The following SEMA3E variants were observed in gnomAD, a reference collection of about 807,000 sequenced individuals.
SEMA3E encodes semaphorin-3E.
A neutral mutation model predicts 93.6 loss-of-function variants in SEMA3E; 49 were observed. The ratio of observed to expected loss-of-function variants is 0.52; its 90% CI spans 0.42 to 0.66. SEMA3E has a LOEUF of 0.66. Ranked by LOEUF, SEMA3E falls within the 30% of genes least tolerant of loss-of-function variation. The pLI is 0.00. For synonymous variants in SEMA3E, 363 were observed against 330.7 expected (o/e 1.10, Z -1.06); for missense variants, 906 against 964.8 (o/e 0.94, Z 0.81).
intron 14 of SEMA3E, among the ~76,000 whole-genome samples, chr7:83,391,355 G>T (rs1418149641): frequency 1.3e-5 from 2 of 151,990 alleles, no homozygotes; most frequent in Non-Finnish European, 2.9e-5. Context: ...ATTTCCTTTA[G>T]ACAAGAGGTT....
At position 83,390,067 on chromosome 7, in the gene SEMA3E, ATGCG is replaced by A. The variant is rs1264736098; in HGVS notation, c.1667+2484_1667+2487del. 1.5e-3 allele frequency among the ~76,000 whole-genome samples: 201 copies of A among 137,324 alleles called. 2 individuals are homozygous for A. The highest frequency in any genetic ancestry group is 5.0e-3 in the African/African-American group (191 of 38,094). The allele number at this position is 137,324 out of a possible 152,430, so 90.1% of individuals were successfully genotyped here. On this transcript the variant is annotated intron_variant, in intron 14 of 16. Transcript: ENST00000643230. ...TATGCGCGTATACGTGTGCACATAT[ATGCG>A]CGTATACGTGTGCACATATATGCGC... is the stretch of plus-strand genomic sequence containing the variant.
At chr7:83,453,716 T>C (rs1331890492) in intron 4 of SEMA3E, among the ~76,000 whole-genome samples, 1 of 149,530 alleles carries the variant, frequency 6.7e-6, no homozygotes, top group Non-Finnish European at 1.5e-5. Context: ...GATCAAGAAA[T>C]TGCAGGCCAG....
At chr7:83,537,038 C>T (rs1431719925) in intron 1 of SEMA3E, among the ~76,000 whole-genome samples, 1 of 151,312 alleles carries the variant, frequency 6.6e-6, no homozygotes, top group Non-Finnish European at 1.5e-5. Flanking sequence ...TCTTCTCCCC[C>T]CTTCTCTCTC....
chr7:83,390,054 C>CACATATATACGTGTAT (rs1787977993), intron 14 of SEMA3E, among the ~76,000 whole-genome samples: 1 of 27,982 alleles, frequency 3.6e-5, no homozygotes, highest in Non-Finnish European at 9.7e-5. Context: ...TGCGCGTATA[C>CACATATATACGTGTAT]GTGTGCACAT....
intron 5 of SEMA3E, among the ~76,000 whole-genome samples, chr7:83,412,852 G>C (rs1266176211): frequency 6.6e-6 from 1 of 151,632 alleles, no homozygotes; most frequent in Non-Finnish European, 1.5e-5. Context: ...AGGCTATTGG[G>C]AATTTACGTG....
chr7:83,377,735 C>G (rs1341476062), intron 16 of SEMA3E, among the ~76,000 whole-genome samples: 2 of 152,100 alleles, frequency 1.3e-5, no homozygotes, highest in South Asian at 4.2e-4. Context: ...GTTTTCTTTA[C>G]TATAACTGAA....
intron 1 of SEMA3E, among the ~76,000 whole-genome samples, chr7:83,506,256 C>A (rs984880475): frequency 6.6e-6 from 1 of 151,630 alleles, no homozygotes; most frequent in South Asian, 2.1e-4. Flanking sequence ...AAACGTATAG[C>A]GCATATACAC....
chr7:83,602,556 C>T (rs1412766009), intron 1 of SEMA3E, among the ~76,000 whole-genome samples: 1 of 151,924 alleles, frequency 6.6e-6, no homozygotes, highest in Non-Finnish European at 1.5e-5. Flanking sequence ...CAGCTCACTG[C>T]AACCTCCGCC....
intron 1 of SEMA3E, chr7:83,641,451 T>C: frequency 1.1e-6 from 1 of 888,894 alleles, no homozygotes; most frequent in Non-Finnish European, 1.3e-6. Flanking sequence ...CAGTGTGGTC[T>C]GGCCTTAGTA....
chr7:83,647,458 A>G (rs901747495), intron 1 of SEMA3E, among the ~76,000 whole-genome samples: 1 of 152,176 alleles, frequency 6.6e-6, no homozygotes, highest in African/African-American at 2.4e-5. Flanking sequence ...TATCTGTCTC[A>G]ATGTGTCAAT....
At chr7:83,375,089 T>C (rs1444176896) in intron 16 of SEMA3E, among the ~76,000 whole-genome samples, 1 of 151,978 alleles carries the variant, frequency 6.6e-6, no homozygotes, top group Non-Finnish European at 1.5e-5. Flanking sequence ...TAGATAAGAA[T>C]CTCAGACTGA....
chr7:83,396,031 A>G (rs911081091), intron 12 of SEMA3E, among the ~76,000 whole-genome samples: 5 of 137,150 alleles, frequency 3.6e-5, no homozygotes, highest in Non-Finnish European at 6.2e-5. Context: ...GCTGCAAATG[A>G]TACGACTTGA....
chr7:83,495,983 C>G (rs1446242826), intron 1 of SEMA3E, among the ~76,000 whole-genome samples: 1 of 151,850 alleles, frequency 6.6e-6, no homozygotes, highest in East Asian at 1.9e-4. Context: ...CTGGTCCTCC[C>G]CACCCTAACT....
chr7:83,541,449 G>T (rs777930789), intron 1 of SEMA3E, among the ~76,000 whole-genome samples: 1 of 152,086 alleles, frequency 6.6e-6, no homozygotes, highest in Non-Finnish European at 1.5e-5. Flanking sequence ...GTTTCGCAGG[G>T]TGGATGCTGC....
At chr7:83,467,363 G>A (rs1315279559) in intron 3 of SEMA3E, among the ~76,000 whole-genome samples, 1 of 152,158 alleles carries the variant, frequency 6.6e-6, no homozygotes, top group African/African-American at 2.4e-5. Flanking sequence ...GAATTTTAAT[G>A]TTTTGGAAAG....
intron 16 of SEMA3E, among the ~76,000 whole-genome samples, chr7:83,373,430 T>G (rs2116899779): frequency 6.6e-6 from 1 of 152,224 alleles, no homozygotes; most frequent in African/African-American, 2.4e-5. Context: ...TTATTTATTT[T>G]ACTTACAGAA....
At chr7:83,440,620 T>A (rs1469432457) in intron 4 of SEMA3E, among the ~76,000 whole-genome samples, 1 of 152,138 alleles carries the variant, frequency 6.6e-6, no homozygotes, top group East Asian at 1.9e-4. Context: ...GGGAAGACAT[T>A]CTAGAAGGAG....
intron 9 of SEMA3E, among the ~76,000 whole-genome samples, chr7:83,403,616 T>C (rs1332181888): frequency 6.6e-6 from 1 of 152,000 alleles, no homozygotes; most frequent in African/African-American, 2.4e-5. Flanking sequence ...AGAATCTCTG[T>C]ATTGTAAGAA....
At chr7:83,564,693 C>G (rs1792105119) in intron 1 of SEMA3E, among the ~76,000 whole-genome samples, 1 of 151,996 alleles carries the variant, frequency 6.6e-6, no homozygotes, top group Non-Finnish European at 1.5e-5. Context: ...TTTTTAACTT[C>G]TATAACTTTA....
Sources: gnomAD v4.1 joint callset for allele counts (sites outside exome capture counted in the v4.1 genomes callset) on GRCh38, gnomAD v4.1.1 for gene constraint, MANE v1.5 for transcripts, NCBI Gene and HGNC (gene_info 2026-07-23, HGNC 2026-07-21) for gene names.